Variants in WDFY3 observed in about 807,000 individuals in gnomAD.
WDFY3 encodes the protein WD repeat and FYVE domain-containing protein 3.
A neutral mutation model predicts 409.6 loss-of-function variants in WDFY3; 66 were observed. The observed-to-expected ratio is 0.16, with a 90% CI of 0.13 to 0.20. The LOEUF (loss-of-function observed/expected upper bound fraction) is 0.20, where lower values mean the gene tolerates loss of function less well. Ranked by LOEUF, WDFY3 falls within the 10% of genes least tolerant of loss-of-function variation. WDFY3 has a pLI of 1.00. For missense variants in WDFY3, 3,031 were observed against 4,298.1 expected (o/e 0.71, Z 8.24); for synonymous variants, 1,521 against 1,537.1 (o/e 0.99, Z 0.25).
intron 19 of WDFY3, among the ~76,000 whole-genome samples, chr4:84,795,494 G>T (rs1450687619): frequency 6.6e-6 from 1 of 152,228 alleles, no homozygotes; most frequent in East Asian, 1.9e-4. Context: ...GGGCACAGTG[G>T]CTCACGCCTA....
At position 84,709,281 on chromosome 4, in the gene WDFY3, C is replaced by A. The variant is rs751900064; in HGVS notation, c.8097+12G>T. ...GAACTTCTAAGGAAGCTCATATATT[C>A]ATTAAACTTACCTCCCATCTCTGAG... On this transcript the variant is annotated intron_variant, in intron 52 of 67. Transcript: ENST00000295888. The A allele has an allele frequency of 1.2e-5, 19 of 1,605,986 alleles. No homozygotes were observed. In the African/African-American group the frequency reaches 2.3e-4, roughly 19 times the overall value.
At chr4:84,915,758 G>A (rs1299375910) in intron 2 of WDFY3, among the ~76,000 whole-genome samples, 1 of 152,076 alleles carries the variant, frequency 6.6e-6, no homozygotes. Context: ...CAAAACTGTA[G>A]AACCTCAGAG....
intron 64 of WDFY3, 132 bp downstream of exon 64, chr4:84,682,242 G>A (rs1306608889): frequency 1.2e-5 from 9 of 722,354 alleles, no homozygotes; most frequent in Non-Finnish European, 2.1e-5. Flanking sequence ...TCACACAACA[G>A]GCAGCAACCA....
intron 47 of WDFY3, among the ~76,000 whole-genome samples, chr4:84,720,276 G>A (rs1031251700): frequency 6.6e-6 from 1 of 152,172 alleles, no homozygotes; most frequent in Non-Finnish European, 1.5e-5. Flanking sequence ...GGAAGGGTAT[G>A]CAACCAAGCC....
intron 44 of WDFY3, among the ~76,000 whole-genome samples, chr4:84,730,198 C>T (rs1215409108): frequency 6.6e-6 from 1 of 152,122 alleles, no homozygotes; most frequent in African/African-American, 2.4e-5. Context: ...AGAGAGCCCT[C>T]TCCTTAAACT....
In WDFY3 at chr4:84,766,244, T is replaced by C. The variant is rs760420245; in HGVS notation, c.4970+8A>G. On this transcript the variant is annotated splice_region_variant and intron_variant, in intron 31 of 67. Coordinates refer to ENST00000295888, the MANE Select transcript of WDFY3 (RefSeq NM_014991.6). Reference sequence around the variant, plus strand: ...TGGTATAATCACTTTTAAAAAAGATTTACTTACTGCAAATTAATGCTTGTC... The same window carrying C: ...TGGTATAATCACTTTTAAAAAAGATCTACTTACTGCAAATTAATGCTTGTC... 1 of 1,571,942 alleles carries C rather than the reference T, an allele frequency of 6.4e-7. No homozygotes were observed. The highest frequency in any genetic ancestry group is 1.2e-5 in the South Asian group (1 of 84,508).
At chr4:84,693,545 T>C (rs886264210) in intron 58 of WDFY3, among the ~76,000 whole-genome samples, 3 of 152,056 alleles carry the variant, frequency 2.0e-5, no homozygotes, top group Admixed American at 1.3e-4. Context: ...TGCTATGTTG[T>C]AAAGGGAAAA....
intron 2 of WDFY3, among the ~76,000 whole-genome samples, chr4:84,926,503 T>C (rs1284084579): frequency 4.6e-5 from 7 of 152,314 alleles, no homozygotes; most frequent in Admixed American, 4.6e-4. Flanking sequence ...TCACATCAAG[T>C]ATCTTTACTC....
intron 17 of WDFY3, among the ~76,000 whole-genome samples, chr4:84,799,837 A>G (rs1439274822): frequency 6.6e-6 from 1 of 152,236 alleles, no homozygotes; most frequent in Admixed American, 6.5e-5. Flanking sequence ...TACTTGTACC[A>G]TCATTTGACT....
At chr4:84,905,579 A>G (rs1157773253) in intron 2 of WDFY3, among the ~76,000 whole-genome samples, 2 of 152,152 alleles carry the variant, frequency 1.3e-5, no homozygotes, top group African/African-American at 2.4e-5. Flanking sequence ...CTGAACTACT[A>G]TAATGGTCTT....
At chr4:84,755,187 C>T in intron 34 of WDFY3, 79 bp downstream of exon 34, 1 of 1,568,018 alleles carries the variant, frequency 6.4e-7, no homozygotes, top group Non-Finnish European at 8.6e-7. Context: ...GTTATGTTAC[C>T]AAAAAATTCC....
intron 58 of WDFY3, 52 bp from the exon 59 acceptor site, chr4:84,693,084 C>A: frequency 6.5e-7 from 1 of 1,550,012 alleles, no homozygotes; most frequent in East Asian, 2.3e-5. Context: ...CACTTATAAG[C>A]CCTTTTATAT....
At chr4:84,735,601 G>A (rs1387710368) in intron 42 of WDFY3, among the ~76,000 whole-genome samples, 1 of 152,104 alleles carries the variant, frequency 6.6e-6, no homozygotes, top group Non-Finnish European at 1.5e-5. Context: ...GATCCCAAGG[G>A]CACCCCCTAA....
intron 26 of WDFY3, among the ~76,000 whole-genome samples, chr4:84,779,647 G>A (rs1352605839): frequency 6.6e-6 from 1 of 152,094 alleles, no homozygotes; most frequent in African/African-American, 2.4e-5. Flanking sequence ...CACGTCTCCT[G>A]AGTAAGTAAC....
intron 58 of WDFY3, among the ~76,000 whole-genome samples, chr4:84,694,486 T>C (rs1437415717): frequency 1.3e-5 from 2 of 152,250 alleles, no homozygotes; most frequent in Non-Finnish European, 1.5e-5. Flanking sequence ...TGCAAGTGTC[T>C]TGATTTTTAT....
At chr4:84,696,937 T>C (rs1173246853) in intron 56 of WDFY3, 114 bp from the exon 57 acceptor site, 1 of 831,294 alleles carries the variant, frequency 1.2e-6, no homozygotes, top group Non-Finnish European at 1.9e-6. Flanking sequence ...AACGCTAAAA[T>C]TGTACACCAG....
chr4:84,725,748 C>T (rs1426271013), intron 45 of WDFY3, among the ~76,000 whole-genome samples: 1 of 152,132 alleles, frequency 6.6e-6, no homozygotes, highest in Non-Finnish European at 1.5e-5. Context: ...TACAACAATG[C>T]CCTTTTCAAG....
At chr4:84,686,429 AAC>A (rs1728342032) in intron 62 of WDFY3, among the ~76,000 whole-genome samples, 1 of 152,228 alleles carries the variant, frequency 6.6e-6, no homozygotes, top group Non-Finnish European at 1.5e-5. Flanking sequence ...TTATTAATCA[AAC>A]ACTCTAAGTG....
chr4:84,756,823 A>G (rs1741547440), intron 33 of WDFY3, 103 bp downstream of exon 33: 2 of 1,246,474 alleles, frequency 1.6e-6, no homozygotes, highest in African/African-American at 1.5e-5. Context: ...AAATGTGGGG[A>G]AAGTGATGGA....
Sources: gnomAD v4.1 joint callset for allele counts (sites outside exome capture counted in the v4.1 genomes callset) on GRCh38, gnomAD v4.1.1 for gene constraint, MANE v1.5 for transcripts, NCBI Gene and HGNC (gene_info 2026-07-23, HGNC 2026-07-21) for gene names.